The following CCDC175 variants were observed in gnomAD, a reference collection of about 807,000 sequenced individuals.
The protein encoded by CCDC175 is coiled-coil domain containing 175, also known as coiled-coil domain-containing protein 175.
A neutral mutation model predicts 114.6 loss-of-function variants in CCDC175; 100 were observed. The ratio of observed to expected loss-of-function variants is 0.87; its 90% CI spans 0.74 to 1.03. The LOEUF (loss-of-function observed/expected upper bound fraction) is 1.03. CCDC175 is among the 50% of genes least tolerant of loss of function. The pLI is 0.00. For missense variants in CCDC175, 880 were observed against 917.8 expected, an observed-to-expected ratio of 0.96 and a Z score of 0.53; for synonymous variants, 306 against 308.7, an observed-to-expected ratio of 0.99 and a Z score of 0.09.
intron 13 of CCDC175, among the ~76,000 whole-genome samples, chr14:59,536,710 T>C (rs563438697): frequency 6.6e-6 from 1 of 152,286 alleles, no homozygotes; most frequent in South Asian, 2.1e-4. Context: ...TACATTTCCA[T>C]GCTAATAATT....
chr14:59,544,882 C>T (rs2070295), intron 9 of CCDC175, among the ~76,000 whole-genome samples: 78,558 of 151,900 alleles, frequency 0.52, 21,596 homozygotes, highest in East Asian at 0.82. Context: ...AGAGAGAAAG[C>T]GGCTGGGTGG....
chr14:59,530,167 G>A (rs1441908192), intron 14 of CCDC175, among the ~76,000 whole-genome samples: 1 of 151,894 alleles, frequency 6.6e-6, no homozygotes, highest in African/African-American at 2.4e-5. Flanking sequence ...AGGAGTTCAC[G>A]ACCACCCTGA....
At chr14:59,545,330 G>C in intron 8 of CCDC175, 31 bp from the exon 9 acceptor site, 2 of 1,533,636 alleles carry the variant, frequency 1.3e-6, no homozygotes, top group East Asian at 2.4e-5. Context: ...TGAATGAGAG[G>C]ACTGGCTTCA....
In CCDC175 at chr14:59,525,374, G is replaced by T. The variant is rs1270335545; in HGVS notation, c.1903C>A (p.His635Asn). The T allele has an allele frequency of 2.0e-6, 3 of 1,517,892 alleles. No individual in the cohort carries two copies. The highest frequency in any genetic ancestry group is 2.5e-5 in the East Asian group (1 of 40,352). The allele number at this position is 1,517,892 out of a possible 1,614,324, so 94.0% of individuals were successfully genotyped here. Reference protein sequence around the residue: ...RDQESKKNKDHFETLKNLENG... With the variant: ...RDQESKKNKDNFETLKNLENG... ...TCTAAGTTCTTTAGAGTTTCAAAAT[G>T]ATCTTTGTTTTTTTTGCTTTCTTGA... Residue 635 changes from histidine to asparagine, a missense_variant, in exon 16 of 20, where the codon CAT (histidine) becomes AAT (asparagine). Coordinates refer to ENST00000537690, the MANE Select transcript of CCDC175 (RefSeq NM_001164399.2).
At chr14:59,550,064 C>T (rs1221399062) in intron 8 of CCDC175, among the ~76,000 whole-genome samples, 2 of 152,220 alleles carry the variant, frequency 1.3e-5, no homozygotes, top group South Asian at 2.1e-4. Flanking sequence ...GTGCACACCA[C>T]CACACCCAGC....
chr14:59,509,844 C>T (rs1413982116), intron 19 of CCDC175, among the ~76,000 whole-genome samples: 2 of 152,166 alleles, frequency 1.3e-5, no homozygotes, highest in Non-Finnish European at 2.9e-5. Context: ...TTTCTACATC[C>T]TACCTTCAAA....
At chr14:59,519,223 G>T (rs1043850971) in intron 17 of CCDC175, among the ~76,000 whole-genome samples, 8 of 152,056 alleles carry the variant, frequency 5.3e-5, no homozygotes, top group Admixed American at 1.3e-4. Flanking sequence ...GTTAAATGAT[G>T]AGTTACAGGG....
chr14:59,513,718 T>G (rs1425857338), intron 17 of CCDC175, among the ~76,000 whole-genome samples: 1 of 152,152 alleles, frequency 6.6e-6, no homozygotes, highest in Non-Finnish European at 1.5e-5. Flanking sequence ...CCTGCCTGCC[T>G]CTGTAGACTC....
At chr14:59,507,721 G>A (rs930521167) in intron 19 of CCDC175, among the ~76,000 whole-genome samples, 1 of 152,182 alleles carries the variant, frequency 6.6e-6, no homozygotes, top group Non-Finnish European at 1.5e-5. Flanking sequence ...GATCTGATGA[G>A]TGCCTAATAT....
At chr14:59,536,480 AAAG>A (rs1303899124) in intron 13 of CCDC175, among the ~76,000 whole-genome samples, 1 of 151,986 alleles carries the variant, frequency 6.6e-6, no homozygotes, top group Admixed American at 6.6e-5. Context: ...AAAGCTCCAT[AAAG>A]GCAGAGTTTT....
At position 59,572,717 on chromosome 14, in the gene CCDC175, T is replaced by G. The variant is rs186912767; in HGVS notation, c.340A>C (p.Lys114Gln). 4.7e-5 allele frequency: 70 copies of G among 1,498,310 alleles called. No individual in the cohort carries two copies. The East Asian group carries it at 1.8e-3, about 38-fold the overall frequency. The allele number at this position is 1,498,310 out of a possible 1,614,324, so 92.8% of individuals were successfully genotyped here. The change falls in exon 3 of 20, where the codon AAG (lysine) becomes CAG (glutamine). Residue 114 changes from lysine (K) to glutamine (Q), a missense_variant. Coordinates refer to ENST00000537690, the MANE Select transcript of CCDC175 (RefSeq NM_001164399.2). ...YLLETLPNSIKRELEECVRDA... is the reference protein window; with the variant it reads ...YLLETLPNSIQRELEECVRDA... Reference sequence around the variant, plus strand: ...TCAAAAGTACCTTCCAATTCCCTCTTAATGCTATTGGGAAGAGTTTCCAAT... The same window carrying G: ...TCAAAAGTACCTTCCAATTCCCTCTGAATGCTATTGGGAAGAGTTTCCAAT...
rs77451975 is a variant in CCDC175, at chr14:59,534,747, C to A, written c.1624-2837G>T. ...GCAAGCTCTGATAGAAGATTTACAA[C>A]GGAGGGTCCGGTATCAGAGTCAGGC... On this transcript the variant is annotated intron_variant, in intron 13 of 19. Transcript: ENST00000537690. Among the ~76,000 whole-genome samples the A allele has an allele frequency of 7.3e-3, 1,115 of 152,216 alleles. 14 individuals are homozygous for A. The highest frequency in any genetic ancestry group is 0.025 in the African/African-American group (1,053 of 41,528).
chr14:59,530,637 T>C (rs1187894982), intron 14 of CCDC175, among the ~76,000 whole-genome samples: 1 of 152,138 alleles, frequency 6.6e-6, no homozygotes. Context: ...CAATTACCCA[T>C]GTATTATTAT....
intron 17 of CCDC175, among the ~76,000 whole-genome samples, chr14:59,512,705 TA>T (rs1420288344): frequency 3.3e-5 from 5 of 152,116 alleles, no homozygotes; most frequent in African/African-American, 9.7e-5. Flanking sequence ...TGGAGATAAA[TA>T]CTATATTCTT....
At chr14:59,571,415 A>G (rs1896843931) in intron 3 of CCDC175, among the ~76,000 whole-genome samples, 1 of 152,214 alleles carries the variant, frequency 6.6e-6, no homozygotes, top group Non-Finnish European at 1.5e-5. Context: ...CAACTCAACA[A>G]CAACAAAAAA....
At chr14:59,557,770 T>A (rs1896000013) in intron 7 of CCDC175, among the ~76,000 whole-genome samples, 1 of 152,136 alleles carries the variant, frequency 6.6e-6, no homozygotes, top group African/African-American at 2.4e-5. Context: ...TTTGAACTGA[T>A]GAATTATTTA....
intron 11 of CCDC175, among the ~76,000 whole-genome samples, 156 bp from the exon 12 acceptor site, chr14:59,538,996 C>T (rs990476650): frequency 6.6e-6 from 1 of 152,184 alleles, no homozygotes; most frequent in African/African-American, 2.4e-5. Context: ...AAAAGTAAGA[C>T]AAAACATTAA....
intron 13 of CCDC175, among the ~76,000 whole-genome samples, 161 bp from the exon 14 acceptor site, chr14:59,532,071 A>C (rs1566607677): frequency 1.3e-5 from 2 of 152,204 alleles, no homozygotes; most frequent in Non-Finnish European, 1.5e-5. Flanking sequence ...TCTTTTAATA[A>C]ATATTTGTTC....
rs1894378024 is a variant in CCDC175 at position 59,536,080 on chromosome 14, G to T, written c.1623+1943C>A. 3.9e-5 allele frequency among the ~76,000 whole-genome samples: 6 copies of T among 152,290 alleles called. No homozygotes were observed. The South Asian group carries it at 1.2e-3, about 32-fold the overall frequency. On this transcript the variant is annotated intron_variant, in intron 13 of 19. Transcript: ENST00000537690. ...GCTTTCCCTGCCCAATCTTGTCATA[G>T]ATACTTCTCCCTAATATACCTTATC...
Sources: gnomAD v4.1 joint callset for allele counts (sites outside exome capture counted in the v4.1 genomes callset) on GRCh38, gnomAD v4.1.1 for gene constraint, MANE v1.5 for transcripts, NCBI Gene and HGNC (gene_info 2026-07-23, HGNC 2026-07-21) for gene names.